The following FASLG variants were observed in gnomAD, a reference collection of about 807,000 sequenced individuals.
The protein encoded by FASLG is Fas ligand.
FASLG carries 9 observed loss-of-function variants against 24.6 expected under a neutral mutation model. That is an observed-to-expected ratio of 0.37 (90% confidence interval 0.22 to 0.64). The LOEUF (loss-of-function observed/expected upper bound fraction) is 0.64, where lower values mean the gene tolerates loss of function less well. Among genes scored for constraint, FASLG ranks in the 30% least tolerant of loss-of-function variants. FASLG has a pLI of 0.64. For missense variants in FASLG, 306 were observed against 345.3 expected (o/e 0.89, Z 0.90); for synonymous variants, 130 against 135.5 (o/e 0.96, Z 0.28).
intron 2 of FASLG, among the ~76,000 whole-genome samples, chr1:172,663,283 C>T (rs966995661): frequency 2.6e-5 from 4 of 151,954 alleles, no homozygotes; most frequent in Admixed American, 2.0e-4. Flanking sequence ...GTGAACTCAA[C>T]GTATCGTAAG....
In FASLG at chr1:172,666,011, C is replaced by A; in HGVS notation, c.841C>A (p.Leu281Ile). Reference sequence around the variant, plus strand: ...TCAGACGTTTTTCGGCTTATATAAGCTCTAAGAGAAGCACTTTGGGATTCT... The same window carrying A: ...TCAGACGTTTTTCGGCTTATATAAGATCTAAGAGAAGCACTTTGGGATTCT... ...ESQTFFGLYK[L>I] is the part of the protein sequence containing the mutation. The change falls in exon 4 of 4, where the codon CTC becomes ATC. Residue 281 changes from leucine (L) to isoleucine (I), a missense_variant. Physicochemically the swap from Leu to Ile is conservative, Grantham distance 5 (BLOSUM62 2). Coordinates refer to ENST00000367721, the MANE Select transcript of FASLG (RefSeq NM_000639.3). 4.3e-6 allele frequency: 7 copies of A among 1,614,068 alleles called. No homozygotes were observed. The highest frequency in any genetic ancestry group is 1.3e-5 in the African/African-American group (1 of 75,006).
chr1:172,659,121 C>T lies in FASLG; in HGVS notation c.-81C>T. On this transcript the variant is annotated 5_prime_UTR_variant, in exon 1 of 4. Coordinates refer to ENST00000367721, the MANE Select transcript of FASLG (RefSeq NM_000639.3). ...CCTCTTGAGCAGTCAGCAACAGGGT[C>T]CCGTCCTTGACACCTCAGCCTCTAC... 6.3e-7 allele frequency: 1 copy of T among 1,598,310 alleles called. No individual in the cohort carries two copies. Among genetic ancestry groups the T allele is most frequent in the Non-Finnish European group, 8.5e-7 (1 of 1,172,518 alleles).
Position 172,665,858 on chromosome 1 carries a change from A to T in FASLG, c.688A>T (p.Met230Leu), listed in dbSNP as rs1409212836. 1 of 1,613,900 alleles carries T rather than the reference A, an allele frequency of 6.2e-7. No homozygotes were observed. Among genetic ancestry groups the T allele is most frequent in the African/African-American group, 1.3e-5 (1 of 74,914 alleles). ...TCTGGTGATGATGGAGGGGAAGATG[A>T]TGAGCTACTGCACTACTGGGCAGAT... ...QDLVMMEGKM[M>L]SYCTTGQMWA... Residue 230 changes from methionine (M) to leucine (L), a missense_variant, in exon 4 of 4, where the codon ATG becomes TTG. Physicochemically the swap from Met to Leu is conservative, Grantham distance 15. Transcript: ENST00000367721.
At chr1:172,664,277 C>T in intron 2 of FASLG, 57 bp from the exon 3 acceptor site, 2 of 1,556,990 alleles carry the variant, frequency 1.3e-6, no homozygotes, top group Non-Finnish European at 1.8e-6. Context: ...AAATTCCCAC[C>T]AAAATAATAG....
chr1:172,659,590 G>C, intron 1 of FASLG, 41 bp downstream of exon 1: 1 of 1,607,292 alleles, frequency 6.2e-7, no homozygotes, highest in South Asian at 1.1e-5. Flanking sequence ...GAGGCACCAG[G>C]CATAAGGGGA....
At chr1:172,662,168 T>C (rs1659156836) in intron 2 of FASLG, among the ~76,000 whole-genome samples, 1 of 152,134 alleles carries the variant, frequency 6.6e-6, no homozygotes, top group African/African-American at 2.4e-5. Context: ...TATTGTTAGA[T>C]AAAAAGACAA....
intron 2 of FASLG, among the ~76,000 whole-genome samples, chr1:172,662,458 T>C (rs567004307): frequency 6.6e-6 from 1 of 152,326 alleles, no homozygotes; most frequent in South Asian, 2.1e-4. Flanking sequence ...GGCCTGTCCT[T>C]ATGGAGCTTT....
chr1:172,665,424 T>G (rs1659237122), intron 3 of FASLG, among the ~76,000 whole-genome samples, 198 bp from the exon 4 acceptor site: 1 of 151,660 alleles, frequency 6.6e-6, no homozygotes, highest in South Asian at 2.1e-4. Context: ...GTTCCAATTG[T>G]GTGGATGACA....
intron 1 of FASLG, 55 bp from the exon 2 acceptor site, chr1:172,660,040 T>G: frequency 6.4e-7 from 1 of 1,556,162 alleles, no homozygotes; most frequent in South Asian, 1.1e-5. Flanking sequence ...TTCTGCCTCT[T>G]TTGCTTAAAG....
rs1659255520 is a variant in FASLG, at chr1:172,666,033, T to G, written c.*17T>G. On this transcript the variant is annotated 3_prime_UTR_variant, in exon 4 of 4. Coordinates refer to ENST00000367721, the MANE Select transcript of FASLG (RefSeq NM_000639.3). ...AAGCTCTAAGAGAAGCACTTTGGGA[T>G]TCTTTCCATTATGATTCTTTGTTAC... The G allele has an allele frequency of 6.2e-7, 1 of 1,613,846 alleles. No homozygotes were observed. Among genetic ancestry groups the G allele is most frequent in the East Asian group, 2.2e-5 (1 of 44,880 alleles).
intron 2 of FASLG, among the ~76,000 whole-genome samples, chr1:172,660,515 C>T (rs1422686787): frequency 2.0e-5 from 3 of 152,236 alleles, no homozygotes; most frequent in African/African-American, 7.2e-5. Flanking sequence ...GAAGAGAAGG[C>T]GAAATGAAGG....
intron 2 of FASLG, among the ~76,000 whole-genome samples, chr1:172,660,611 T>C (rs1659117254): frequency 6.6e-6 from 1 of 152,238 alleles, no homozygotes; most frequent in South Asian, 2.1e-4. Flanking sequence ...CAATATGTTT[T>C]ATAGGATGTA....
chr1:172,659,563 C>T lies in FASLG; in HGVS notation c.348+14C>T, dbSNP rs1466536140. The T allele has an allele frequency of 7.4e-6, 12 of 1,612,850 alleles. No homozygotes were observed. The highest frequency in any genetic ancestry group is 9.3e-6 in the Non-Finnish European group (11 of 1,179,810). ...GAACTCCGAGAGGTAAGCCTGCCGG[C>T]AGACTGCTGTGCCCTGGAGGCACCA... On this transcript the variant is annotated intron_variant, in intron 1 of 3. Transcript: ENST00000367721.
chr1:172,666,087 G>A lies in FASLG; in HGVS notation c.*71G>A. 5 of 1,586,088 alleles carry A rather than the reference G, an allele frequency of 3.2e-6. No homozygotes were observed. The highest frequency in any genetic ancestry group is 4.3e-6 in the Non-Finnish European group (5 of 1,163,192). On this transcript the variant is annotated 3_prime_UTR_variant, in exon 4 of 4. Coordinates refer to ENST00000367721, the MANE Select transcript of FASLG (RefSeq NM_000639.3). ...CACCGAGAATGTTGTATTCAGTGAG[G>A]GTCTTCTTACATGCATTTGAGGTCA...
At position 172,666,152 on chromosome 1, in the gene FASLG, G is replaced by T. The variant is rs144742695; in HGVS notation, c.*136G>T. 315 of 990,880 alleles carry T rather than the reference G, an allele frequency of 3.2e-4. No individual in the cohort carries two copies. The African/African-American group carries it at 4.3e-3, about 14-fold the overall frequency. The allele number at this position is 990,880 out of a possible 1,614,324, so 61.4% of individuals were successfully genotyped here. A position where few individuals can be genotyped will look rare whatever the true frequency, so the allele number is the denominator to read the frequency against. ...AACCAAGTGGACCTTGAGACCACAG[G>T]GTTCAAAATGTCTGTAGCTCCTCAA... On this transcript the variant is annotated 3_prime_UTR_variant, in exon 4 of 4. Coordinates refer to ENST00000367721, the MANE Select transcript of FASLG (RefSeq NM_000639.3).
chr1:172,659,303 C>A lies in FASLG; in HGVS notation c.102C>A (p.Thr34=), dbSNP rs762606063. Residue 34 remains threonine, a synonymous_variant, in exon 1 of 4, where the codon ACC becomes ACA. Transcript: ENST00000367721. ...CAGGCACAGTTCTTCCCTGTCCAAC[C>A]TCTGTGCCCAGAAGGCCTGGTCAAA... ...APPGTVLPCP[T]SVPRRPGQRR... 1 of 1,614,142 alleles carries A rather than the reference C, an allele frequency of 6.2e-7. No homozygotes were observed. The highest frequency in any genetic ancestry group is 2.2e-5 in the East Asian group (1 of 44,880).
At chr1:172,662,223 G>A (rs1659158039) in intron 2 of FASLG, among the ~76,000 whole-genome samples, 1 of 152,126 alleles carries the variant, frequency 6.6e-6, no homozygotes, top group African/African-American at 2.4e-5. Flanking sequence ...ATGTAACCAT[G>A]TATGCACATT....
intron 1 of FASLG, among the ~76,000 whole-genome samples, 191 bp downstream of exon 1, chr1:172,659,740 T>C (rs1659098284): frequency 6.6e-6 from 1 of 152,144 alleles, no homozygotes; most frequent in Admixed American, 6.5e-5. Context: ...TTTTACTTTG[T>C]AAAGAATCAG....
chr1:172,659,984 T>C (rs1470260003), intron 1 of FASLG, 111 bp from the exon 2 acceptor site: 1 of 1,173,384 alleles, frequency 8.5e-7, no homozygotes, highest in African/African-American at 1.5e-5. Flanking sequence ...TAGCAGAACT[T>C]CTGAGGTATT....
Sources: gnomAD v4.1 joint callset for allele counts (sites outside exome capture counted in the v4.1 genomes callset) on GRCh38, gnomAD v4.1.1 for gene constraint, MANE v1.5 for transcripts, NCBI Gene and HGNC (gene_info 2026-07-23, HGNC 2026-07-21) for gene names.